CNTNAP3B: variants seen among roughly 807,000 people sequenced by gnomAD.
The protein encoded by CNTNAP3B is contactin-associated protein-like 3B.
A neutral mutation model predicts 108.9 loss-of-function variants in CNTNAP3B; 25 were observed. The ratio of observed to expected loss-of-function variants is 0.23; its 90% CI spans 0.17 to 0.32. CNTNAP3B has a LOEUF of 0.32. Among genes scored for constraint, CNTNAP3B ranks in the 10% least tolerant of loss-of-function variants. CNTNAP3B has a pLI of 1.00. For synonymous variants in CNTNAP3B, 103 were observed against 473.4 expected (o/e 0.22, Z 10.16); for missense variants, 252 against 1,210.4 (o/e 0.21, Z 11.75).
chr9:41,997,215 A>T (rs1825915072), intron 6 of CNTNAP3B, among the ~76,000 whole-genome samples: 1 of 149,960 alleles, frequency 6.7e-6, no homozygotes, highest in Non-Finnish European at 1.5e-5. Flanking sequence ...ACAAGAAAAA[A>T]AATCCCCCAG....
rs569433804 is a variant in CNTNAP3B, at chr9:42,004,764, A to G, written c.539-6160T>C. 7.9e-4 allele frequency among the ~76,000 whole-genome samples: 94 copies of G among 118,522 alleles called. 10 individuals are homozygous for G. Among genetic ancestry groups the G allele is most frequent in the African/African-American group, 2.7e-3 (93 of 34,318 alleles). 77.8% of individuals were successfully genotyped at this position (118,522 alleles called of 152,430 possible). ...TGACGATTCATTTTAATATAATAAT[A>G]AGTTAGAATAGATGTATTGGGATTC... On this transcript the variant is annotated intron_variant, in intron 4 of 23. Coordinates refer to ENST00000377561, the MANE Select transcript of CNTNAP3B (RefSeq NM_001201380.3).
intron 3 of CNTNAP3B, among the ~76,000 whole-genome samples, chr9:42,070,733 A>G (rs1182837561): frequency 2.0e-5 from 3 of 152,158 alleles, no homozygotes; most frequent in Non-Finnish European, 4.4e-5. Context: ...TGATCGGCAG[A>G]TCTCCAACCT....
chr9:41,945,870 G>A (rs1173802196), intron 13 of CNTNAP3B, among the ~76,000 whole-genome samples: 182 of 151,868 alleles, frequency 1.2e-3, no homozygotes, highest in African/African-American at 3.8e-3. Flanking sequence ...AAAATAGCGG[G>A]TAGATTTGAA....
rs1476913430 is a variant in CNTNAP3B at position 41,972,565 on chromosome 9, TA to T, written c.1478-2321del. On this transcript the variant is annotated intron_variant, in intron 9 of 23. Transcript: ENST00000377561. ...TACTTTCTGCTTTAGATCCCTAAAGTAAAAGCCTCCCTCATATTAAGGCTTC... is the reference window on the plus strand; with the variant it reads ...TACTTTCTGCTTTAGATCCCTAAAGTAAAGCCTCCCTCATATTAAGGCTTC... Among the ~76,000 whole-genome samples, 9 of 138,974 alleles carry T rather than the reference TA, an allele frequency of 6.5e-5. 1 individual carries two copies. The highest frequency in any genetic ancestry group is 2.6e-4 in the African/African-American group (9 of 35,088). The allele number at this position is 138,974 out of a possible 152,430, so 91.2% of individuals were successfully genotyped here.
chr9:41,987,320 G>A (rs1372885477), intron 8 of CNTNAP3B, among the ~76,000 whole-genome samples: 2 of 38,382 alleles, frequency 5.2e-5, no homozygotes, highest in African/African-American at 1.3e-4. Flanking sequence ...AATTAGCTGG[G>A]CATGGTGGCA....
intron 12 of CNTNAP3B, among the ~76,000 whole-genome samples, chr9:41,957,917 C>A (rs62557296): frequency 3.3e-5 from 5 of 151,890 alleles, no homozygotes; most frequent in East Asian, 1.9e-4. Context: ...CCCGCCACTA[C>A]GCCCGGCTAA....
chr9:42,044,891 G>T lies in CNTNAP3B; in HGVS notation c.391-31366C>A, dbSNP rs1826840338. Among the ~76,000 whole-genome samples, 2 of 110,016 alleles carry T rather than the reference G, an allele frequency of 1.8e-5. 1 individual carries two copies. The highest frequency in any genetic ancestry group is 1.9e-4 in the Admixed American group (2 of 10,628). 72.2% of individuals were successfully genotyped at this position (110,016 alleles called of 152,430 possible). Reference sequence around the variant, plus strand: ...AGCAATATAAAACCTTGAGCAAGCTGAAAGCAATAAAAATGTACTGGACTG... The same window carrying T: ...AGCAATATAAAACCTTGAGCAAGCTTAAAGCAATAAAAATGTACTGGACTG... On this transcript the variant is annotated intron_variant, in intron 3 of 23. Transcript: ENST00000377561.
At position 41,920,950 on chromosome 9, in the gene CNTNAP3B, C is replaced by T. The variant is rs1265522191; in HGVS notation, c.2756-641G>A. ...CATTTTGTCATGTCAAACTTGAATG[C>T]TGAAGAAACCATTTAGAGAGGTTTA... On this transcript the variant is annotated intron_variant, in intron 17 of 23. Coordinates refer to ENST00000377561, the MANE Select transcript of CNTNAP3B (RefSeq NM_001201380.3). Among the ~76,000 whole-genome samples, 3 of 152,302 alleles carry T rather than the reference C, an allele frequency of 2.0e-5. No homozygotes were observed. The South Asian group carries it at 6.2e-4, about 31-fold the overall frequency.
In CNTNAP3B at chr9:42,003,706, T is replaced by C. The variant is rs1405673397; in HGVS notation, c.539-5102A>G. On this transcript the variant is annotated intron_variant, in intron 4 of 23. Transcript: ENST00000377561. The stretch of plus-strand genomic sequence containing the variant: ...TGAGGCACAGTGGCTCACACTGTAA[T>C]CCTAGCACTTTAGGAGGCAAAGGCA... Among the ~76,000 whole-genome samples the C allele has an allele frequency of 6.6e-5, 9 of 137,072 alleles. 1 individual carries two copies. Among genetic ancestry groups the C allele is most frequent in the Non-Finnish European group, 1.2e-4 (8 of 64,188 alleles). The allele number at this position is 137,072 out of a possible 152,430, so 89.9% of individuals were successfully genotyped here. A position where few individuals can be genotyped will look rare whatever the true frequency, so the allele number is the denominator to read the frequency against.
intron 18 of CNTNAP3B, among the ~76,000 whole-genome samples, chr9:41,919,163 C>T (rs879202549): frequency 0.025 from 3,691 of 148,224 alleles, 17 homozygotes; most frequent in East Asian, 0.17. Context: ...AAGACGGAGT[C>T]TCACTCTGTC....
chr9:42,123,409 A>C (rs1387618396), intron 1 of CNTNAP3B, among the ~76,000 whole-genome samples: 1 of 124,924 alleles, frequency 8.0e-6, no homozygotes, highest in East Asian at 2.4e-4. Flanking sequence ...GGCAGCTCTG[A>C]TTGAACAGAT....
chr9:41,925,375 T>C (rs1333120568), intron 15 of CNTNAP3B, among the ~76,000 whole-genome samples: 3 of 152,178 alleles, frequency 2.0e-5, no homozygotes, highest in Non-Finnish European at 2.9e-5. Context: ...GGACGGATCA[T>C]GAGGTCAGGA....
chr9:42,064,973 C>A (rs62553638), intron 3 of CNTNAP3B, among the ~76,000 whole-genome samples: 5,037 of 138,324 alleles, frequency 0.036, 16 homozygotes, highest in South Asian at 0.068. Context: ...GATATCTACC[C>A]AGTAATGGGA....
chr9:42,086,685 T>C (rs1827712274), intron 2 of CNTNAP3B, among the ~76,000 whole-genome samples: 3 of 107,196 alleles, frequency 2.8e-5, no homozygotes, highest in South Asian at 3.2e-4. Context: ...CCTCAAGTAA[T>C]CCACCCACCT....
At chr9:42,044,169 A>G (rs1826820048) in intron 3 of CNTNAP3B, among the ~76,000 whole-genome samples, 1 of 134,630 alleles carries the variant, frequency 7.4e-6, no homozygotes, top group Admixed American at 7.5e-5. Context: ...TCCAAAGTGC[A>G]CAAGTAGTGA....
At chr9:41,966,794 C>T (rs1477617082) in intron 10 of CNTNAP3B, among the ~76,000 whole-genome samples, 2 of 151,252 alleles carry the variant, frequency 1.3e-5, no homozygotes, top group African/African-American at 2.4e-5. Flanking sequence ...GGTGAAACCC[C>T]GTCTTTACTA....
At position 42,015,604 on chromosome 9, in the gene CNTNAP3B, A is replaced by G. The variant is rs1197961135; in HGVS notation, c.391-2079T>C. Among the ~76,000 whole-genome samples, 3 of 62,660 alleles carry G rather than the reference A, an allele frequency of 4.8e-5. 1 individual carries two copies. In the East Asian group the frequency reaches 3.4e-3, roughly 72 times the overall value. The allele number at this position is 62,660 out of a possible 152,430, so 41.1% of individuals were successfully genotyped here. ...CTAATTGAGATAACACCTGGAAATC[A>G]ATCAGCCCACCACCTGCGTGGAGGT... On this transcript the variant is annotated intron_variant, in intron 3 of 23. Coordinates refer to ENST00000377561, the MANE Select transcript of CNTNAP3B (RefSeq NM_001201380.3).
chr9:41,990,722 T>C (rs1179081194), intron 8 of CNTNAP3B, among the ~76,000 whole-genome samples: 4 of 135,896 alleles, frequency 2.9e-5, no homozygotes, highest in Admixed American at 7.5e-5. Flanking sequence ...ACAATGTCAA[T>C]TTAGGACCCA....
chr9:42,030,754 G>GAGAGAGAC (rs1826501824), intron 3 of CNTNAP3B, among the ~76,000 whole-genome samples: 1 of 59,336 alleles, frequency 1.7e-5, no homozygotes, highest in Non-Finnish European at 3.5e-5. Context: ...GAGATACAGA[G>GAGAGAGAC]AGAGAGAGAG....
Sources: allele counts gnomAD v4.1 joint callset (sites outside exome capture counted in the v4.1 genomes callset), GRCh38; gene constraint gnomAD v4.1.1; transcripts MANE v1.5; gene names NCBI Gene and HGNC (gene_info 2026-07-23, HGNC 2026-07-21).